PRMT8: variants seen among roughly 807,000 people sequenced by gnomAD.
The protein encoded by PRMT8 is protein arginine N-methyltransferase 8.
PRMT8 carries 7 observed loss-of-function variants against 47.1 expected under a neutral mutation model. The observed-to-expected ratio is 0.15, with a 90% CI of 0.08 to 0.28. The LOEUF is 0.28. Ranked by LOEUF, PRMT8 falls within the 10% of genes least tolerant of loss-of-function variation. The pLI, the probability that PRMT8 is intolerant of heterozygous loss-of-function variation, is 1.00. For missense variants in PRMT8, 237 were observed against 505.4 expected, an observed-to-expected ratio of 0.47 and a Z score of 5.09; for synonymous variants, 188 against 186.5, an observed-to-expected ratio of 1.01 and a Z score of -0.07.
At chr12:3,512,895 A>G (rs933399333) in intron 1 of PRMT8, among the ~76,000 whole-genome samples, 2 of 152,192 alleles carry the variant, frequency 1.3e-5, no homozygotes, top group Admixed American at 6.5e-5. Context: ...AGGCATCACC[A>G]TTCTTCATCT....
chr12:3,407,101 A>T (rs1014747989), intron 1 of PRMT8, among the ~76,000 whole-genome samples: 5 of 152,192 alleles, frequency 3.3e-5, no homozygotes, highest in Non-Finnish European at 7.3e-5. Context: ...TGTCCTTCTT[A>T]ATATGGTGGC....
intron 2 of PRMT8, among the ~76,000 whole-genome samples, chr12:3,545,220 C>T (rs1866306994): frequency 6.6e-6 from 1 of 152,178 alleles, no homozygotes; most frequent in Non-Finnish European, 1.5e-5. Flanking sequence ...TCAGAGAGCT[C>T]ACAAACAGTG....
At chr12:3,568,917 G>A in intron 5 of PRMT8, 69 bp downstream of exon 5, 3 of 1,592,096 alleles carry the variant, frequency 1.9e-6, no homozygotes, top group Non-Finnish European at 2.6e-6. Flanking sequence ...AAGGCCTGCA[G>A]CCTAGGAGGC....
At chr12:3,435,365 C>G (rs1864727335) in intron 1 of PRMT8, among the ~76,000 whole-genome samples, 1 of 152,132 alleles carries the variant, frequency 6.6e-6, no homozygotes, top group African/African-American at 2.4e-5. Flanking sequence ...TTGAGTCTCT[C>G]TGCATATCAG....
chr12:3,398,951 T>C (rs1864291711), intron 1 of PRMT8, among the ~76,000 whole-genome samples: 1 of 152,176 alleles, frequency 6.6e-6, no homozygotes, highest in South Asian at 2.1e-4. Context: ...TGAAAGTCCA[T>C]GTCAAAGTGA....
chr12:3,398,629 A>G (rs971708150), intron 1 of PRMT8, among the ~76,000 whole-genome samples: 13 of 152,098 alleles, frequency 8.5e-5, no homozygotes, highest in African/African-American at 2.9e-4. Flanking sequence ...TGCTCATCCA[A>G]CCATCCAGCC....
chr12:3,424,826 A>G (rs1445652340), intron 1 of PRMT8, among the ~76,000 whole-genome samples: 1 of 152,212 alleles, frequency 6.6e-6, no homozygotes, highest in East Asian at 1.9e-4. Flanking sequence ...TATACTGGGA[A>G]CAGTCCTAGA....
At chr12:3,469,414 C>T (rs1865137099) in intron 1 of PRMT8, 3 of 242,412 alleles carry the variant, frequency 1.2e-5, no homozygotes, top group South Asian at 5.2e-5. Context: ...TGCTGGTTCA[C>T]GCTACAGCAC....
At chr12:3,546,238 A>G (rs1866325783) in intron 2 of PRMT8, among the ~76,000 whole-genome samples, 1 of 152,182 alleles carries the variant, frequency 6.6e-6, no homozygotes, top group African/African-American at 2.4e-5. Flanking sequence ...GCTTATGGGG[A>G]AAAAAAGTCA....
chr12:3,560,866 C>G (rs558744867), intron 4 of PRMT8, among the ~76,000 whole-genome samples: 32 of 152,240 alleles, frequency 2.1e-4, no homozygotes, highest in African/African-American at 7.5e-4. Flanking sequence ...GGAGATAGGC[C>G]AGTGCACAGC....
At chr12:3,445,933 C>T (rs1259005885) in intron 1 of PRMT8, among the ~76,000 whole-genome samples, 2 of 152,118 alleles carry the variant, frequency 1.3e-5, no homozygotes, top group Non-Finnish European at 2.9e-5. Flanking sequence ...CTCCTGGCCC[C>T]ATTGGTAGGG....
intron 1 of PRMT8, among the ~76,000 whole-genome samples, chr12:3,496,042 C>T (rs1428588764): frequency 6.6e-6 from 1 of 151,568 alleles, no homozygotes; most frequent in East Asian, 1.9e-4. Flanking sequence ...GGATAATGGA[C>T]CCTCCTGAGC....
chr12:3,593,431 G>A lies in PRMT8; in HGVS notation c.*249G>A, dbSNP rs571817335. The A allele has an allele frequency of 2.0e-5, 10 of 495,298 alleles. No homozygotes were observed. Among genetic ancestry groups the A allele is most frequent in the South Asian group, 7.2e-5 (3 of 41,436 alleles). The allele number at this position is 495,298 out of a possible 1,614,324, so 30.7% of individuals were successfully genotyped here. A position where few individuals can be genotyped will look rare whatever the true frequency, so the allele number is the denominator to read the frequency against. ...TGTTGCCAACAAAGAGCGACCTGGC[G>A]TGCTGTGGCTGGGCCCCGAGGGTGG... On this transcript the variant is annotated 3_prime_UTR_variant, in exon 10 of 10. Transcript: ENST00000382622. This position sits in a 1 kb window ranked among gnomAD's most constrained non-coding sequence, Gnocchi z 4.8.
chr12:3,579,657 A>G (rs1867015669), intron 7 of PRMT8, among the ~76,000 whole-genome samples: 1 of 152,156 alleles, frequency 6.6e-6, no homozygotes, highest in African/African-American at 2.4e-5. Context: ...CTGATGTGCT[A>G]GGCAACATCT....
At chr12:3,466,585 A>G (rs1865099065) in intron 1 of PRMT8, among the ~76,000 whole-genome samples, 5 of 152,218 alleles carry the variant, frequency 3.3e-5, no homozygotes, top group Admixed American at 3.3e-4. Flanking sequence ...GTATGACATT[A>G]TCACTATCAG....
intron 1 of PRMT8, among the ~76,000 whole-genome samples, chr12:3,388,244 C>T (rs1261213447): frequency 2.6e-5 from 4 of 152,138 alleles, no homozygotes; most frequent in African/African-American, 9.7e-5. Context: ...TCTTGTTTTG[C>T]AAAATCCCTT....
At chr12:3,462,742 G>T (rs1865055088) in intron 1 of PRMT8, 1 of 151,988 alleles carries the variant, frequency 6.6e-6, no homozygotes, top group African/African-American at 2.4e-5. Flanking sequence ...AAGTTGAAGT[G>T]CTTGGGAGGG....
chr12:3,461,748 A>C (rs1014127616), intron 1 of PRMT8, among the ~76,000 whole-genome samples: 3 of 150,368 alleles, frequency 2.0e-5, no homozygotes, highest in Non-Finnish European at 1.5e-5. Flanking sequence ...ACCTAAAAGG[A>C]AGAGGCTGAG....
rs1866856836 is a variant in PRMT8 at position 3,572,122 on chromosome 12, G to C, written c.712+2558G>C. ...TTCTCAACCACACACAGCAACATGG[G>C]AGTGCAAGAATGAGGTCAGTGCAGA... On this transcript the variant is annotated intron_variant, in intron 6 of 9. Transcript: ENST00000382622. The surrounding 1 kb of genome is among the most constrained non-coding windows in gnomAD (Gnocchi z 5.9). Among the ~76,000 whole-genome samples the C allele has an allele frequency of 6.6e-6, 1 of 151,850 alleles. No individual in the cohort carries two copies. Among genetic ancestry groups the C allele is most frequent in the African/African-American group, 2.4e-5 (1 of 41,286 alleles).
Sources: allele counts gnomAD v4.1 joint callset (sites outside exome capture counted in the v4.1 genomes callset), GRCh38; gene constraint gnomAD v4.1.1; non-coding constraint Gnocchi (gnomAD v3.1); transcripts MANE v1.5; gene names NCBI Gene and HGNC (gene_info 2026-07-23, HGNC 2026-07-21).